The following HS3ST1 variants were observed in gnomAD, a reference collection of about 807,000 sequenced individuals.
HS3ST1 encodes heparan sulfate-glucosamine 3-sulfotransferase 1.
In HS3ST1, 8 loss-of-function variants were observed where a neutral mutation model predicts 20.7. The ratio of observed to expected loss-of-function variants is 0.39; its 90% confidence interval spans 0.23 to 0.70. The LOEUF (loss-of-function observed/expected upper bound fraction) is 0.70. HS3ST1 is among the 30% of genes least tolerant of loss of function. The probability of loss-of-function intolerance (pLI) is 0.46; values close to 1 mark genes in which losing one functional copy is unlikely to be tolerated. For synonymous variants in HS3ST1, 205 were observed against 190.4 expected, an observed-to-expected ratio of 1.08 and a Z score of -0.63; for missense variants, 436 against 423.4, an observed-to-expected ratio of 1.03 and a Z score of -0.26.
chr4:11,421,908 G>T (rs973975930), intron 1 of HS3ST1, among the ~76,000 whole-genome samples: 1 of 152,200 alleles, frequency 6.6e-6, no homozygotes, highest in African/African-American at 2.4e-5. Context: ...CTGGACCTCA[G>T]TTTCCTTAAA....
chr4:11,430,653 A>G (rs1719185764), upstream of HS3ST1, among the ~76,000 whole-genome samples: 1 of 152,168 alleles, frequency 6.6e-6, no homozygotes, highest in Admixed American at 6.5e-5. Context: ...GGGGTTAGCA[A>G]TGATTCTGTT....
upstream of HS3ST1, among the ~76,000 whole-genome samples, chr4:11,431,720 A>C (rs224487): frequency 0.4 from 60,909 of 151,986 alleles, 12,655 homozygotes; most frequent in East Asian, 0.53. Context: ...AAACAAAAGC[A>C]ACTGACCTAT....
chr4:11,424,860 CAA>C (rs3070505), intron 1 of HS3ST1, among the ~76,000 whole-genome samples: 427 of 145,050 alleles, frequency 2.9e-3, no homozygotes, highest in African/African-American at 7.9e-3. Flanking sequence ...CCATCTCCCA[CAA>C]AAAAAAAAAA....
In HS3ST1 at chr4:11,407,488, G is replaced by A. The variant is rs551824944; in HGVS notation, c.-108-7375C>T. Among the ~76,000 whole-genome samples, 7 of 152,320 alleles carry A rather than the reference G, an allele frequency of 4.6e-5. No individual in the cohort carries two copies. In the South Asian group the frequency reaches 1.2e-3, roughly 27 times the overall value. On this transcript the variant is annotated intron_variant, in intron 1 of 1. Transcript: ENST00000002596. ...TTGGCAAGCCAAGGGAGGCAGCTTG[G>A]TGTAGTCACTGGGATAAGGATTCCC...
At chr4:11,415,790 A>G (rs978039975) in intron 1 of HS3ST1, among the ~76,000 whole-genome samples, 3 of 152,248 alleles carry the variant, frequency 2.0e-5, no homozygotes, top group Non-Finnish European at 2.9e-5. Context: ...CTTAAGAACT[A>G]AAGCAAGAAA....
chr4:11,415,868 C>T (rs1718767623), intron 1 of HS3ST1, among the ~76,000 whole-genome samples: 2 of 152,168 alleles, frequency 1.3e-5, no homozygotes, highest in Admixed American at 1.3e-4. Flanking sequence ...GCCCACTGGT[C>T]TATGTCACCA....
intron 1 of HS3ST1, among the ~76,000 whole-genome samples, chr4:11,410,436 C>T (rs966495956): frequency 1.3e-5 from 2 of 152,202 alleles, no homozygotes; most frequent in Admixed American, 1.3e-4. Context: ...CGGAAGCATT[C>T]ATTCAGGGCA....
upstream of HS3ST1, chr4:11,429,079 G>A (rs927370754): frequency 6.6e-6 from 1 of 152,452 alleles, no homozygotes; most frequent in African/African-American, 2.4e-5. Flanking sequence ...CGGCCCGCTA[G>A]GTGCCTGGTG....
Position 11,399,662 on chromosome 4 carries a change from A to T in HS3ST1, c.344T>A (p.Leu115His). The change falls in exon 2 of 2, where the codon CTC (leucine) becomes CAC (histidine). Residue 115 changes from leucine to histidine, a missense_variant. Transcript: ENST00000002596. The surrounding 1 kb of genome is among the most constrained non-coding windows in gnomAD (Gnocchi z 5.1). ...ATACGCGGGGGTCTTCTCCACTGTGAGCTGGTGTGGCCAGGAGAAGGGCAT... is the reference window on the plus strand; with the variant it reads ...ATACGCGGGGGTCTTCTCCACTGTGTGCTGGTGTGGCCAGGAGAAGGGCAT... ...SQMPFSWPHQLTVEKTPAYFT... is the reference protein window; with the variant it reads ...SQMPFSWPHQHTVEKTPAYFT... The T allele has an allele frequency of 6.2e-7, 1 of 1,613,874 alleles. No homozygotes were observed. Among genetic ancestry groups the T allele is most frequent in the Non-Finnish European group, 8.5e-7 (1 of 1,180,036 alleles).
intron 1 of HS3ST1, among the ~76,000 whole-genome samples, chr4:11,413,358 G>T (rs951962347): frequency 6.6e-6 from 1 of 151,916 alleles, no homozygotes; most frequent in African/African-American, 2.4e-5. Flanking sequence ...CTTAAATGAG[G>T]TATGGACGAT....
chr4:11,416,373 G>A (rs567360915), intron 1 of HS3ST1, among the ~76,000 whole-genome samples: 2 of 152,088 alleles, frequency 1.3e-5, no homozygotes, highest in Non-Finnish European at 2.9e-5. Context: ...GGCATGAAGG[G>A]GCATGACCGT....
chr4:11,394,265 A>T lies in HS3ST1; in HGVS notation c.*4817T>A, dbSNP rs1259719619. ...ATGGTCAGTGATTGGTACAGCTAGG[A>T]TGCACACCCAGGTCTTCTGGCTCTC... On this transcript the variant is annotated 3_prime_UTR_variant, in exon 2 of 2. Coordinates refer to ENST00000002596, the MANE Select transcript of HS3ST1 (RefSeq NM_005114.4). 1 of 152,216 alleles carries T rather than the reference A, an allele frequency of 6.6e-6. No individual in the cohort carries two copies. The highest frequency in any genetic ancestry group is 1.9e-4 in the East Asian group (1 of 5,186). The allele number at this position is 152,216 out of a possible 1,614,324, so 9.4% of individuals were successfully genotyped here.
In HS3ST1 at chr4:11,399,492, G is replaced by C. The variant is rs764532523; in HGVS notation, c.514C>G (p.Pro172Ala). The C allele has an allele frequency of 6.2e-6, 10 of 1,614,044 alleles. No individual in the cohort carries two copies. The highest frequency in any genetic ancestry group is 8.5e-6 in the Non-Finnish European group (10 of 1,180,018). Residue 172 changes from proline (P) to alanine (A), a missense_variant, in exon 2 of 2, where the codon CCG (proline) becomes GCG (alanine). Transcript: ENST00000002596. This position sits in a 1 kb window ranked among gnomAD's most constrained non-coding sequence, Gnocchi z 5.1. ...YNHMQKHKPY[P>A]SIEEFLVRDG... is the part of the protein sequence containing the mutation. The stretch of plus-strand genomic sequence containing the variant: ...CGCACCAGGAACTCCTCGATGGACG[G>C]GTAGGGCTTGTGCTTCTGCATGTGG...
chr4:11,401,582 G>A (rs1482295513), intron 1 of HS3ST1, among the ~76,000 whole-genome samples: 1 of 152,138 alleles, frequency 6.6e-6, no homozygotes, highest in Non-Finnish European at 1.5e-5. Flanking sequence ...ACCCTCAGGT[G>A]ATCTGCCTGC....
At chr4:11,408,546 G>T (rs139314315) in intron 1 of HS3ST1, among the ~76,000 whole-genome samples, 205 of 152,360 alleles carry the variant, frequency 1.3e-3, no homozygotes, top group African/African-American at 4.8e-3. Context: ...CTGAACGAAT[G>T]ATGAGCAGCC....
chr4:11,430,415 T>TA (rs1334114459), upstream of HS3ST1, among the ~76,000 whole-genome samples: 21 of 152,210 alleles, frequency 1.4e-4, no homozygotes, highest in Non-Finnish European at 8.8e-5. Flanking sequence ...GGAAGCTGTG[T>TA]AAAATCATGT....
chr4:11,405,478 T>A (rs546662333), intron 1 of HS3ST1, among the ~76,000 whole-genome samples: 1 of 152,242 alleles, frequency 6.6e-6, no homozygotes, highest in African/African-American at 2.4e-5. Context: ...TTCCTGCAAA[T>A]GGAGGTCTTG....
Position 11,410,835 on chromosome 4 carries a change from T to C in HS3ST1, c.-108-10722A>G, listed in dbSNP as rs187699232. On this transcript the variant is annotated intron_variant, in intron 1 of 1. Coordinates refer to ENST00000002596, the MANE Select transcript of HS3ST1 (RefSeq NM_005114.4). The stretch of plus-strand genomic sequence containing the variant: ...TGAACCTGGGAGGCAGAGTTTGCAG[T>C]GAGCCAAGATCACACCATGGCACTC... Among the ~76,000 whole-genome samples the C allele has an allele frequency of 4.5e-3, 686 of 152,156 alleles. 2 individuals carry two copies. The highest frequency in any genetic ancestry group is 7.5e-3 in the Non-Finnish European group (508 of 68,000).
At chr4:11,431,002 T>C (rs1719193623), upstream of HS3ST1, among the ~76,000 whole-genome samples, 1 of 152,214 alleles carries the variant, frequency 6.6e-6, no homozygotes, top group African/African-American at 2.4e-5. Flanking sequence ...CTCCCTGAAG[T>C]CTTCTGGTCA....
Sources: gnomAD v4.1 joint callset for allele counts (sites outside exome capture counted in the v4.1 genomes callset) on GRCh38, gnomAD v4.1.1 for gene constraint, Gnocchi (gnomAD v3.1) non-coding constraint, MANE v1.5 for transcripts, NCBI Gene and HGNC (gene_info 2026-07-23, HGNC 2026-07-21) for gene names.